The following RBFOX1 variants were observed in gnomAD, a reference collection of about 807,000 sequenced individuals.
The protein encoded by RBFOX1 is RNA binding protein fox-1 homolog 1.
Under a neutral mutation model 57.7 loss-of-function variants are expected in RBFOX1, and 8 were observed. That is an observed-to-expected ratio of 0.14 (90% CI 0.08 to 0.25). RBFOX1 has a LOEUF of 0.25. RBFOX1 is among the 10% of genes least tolerant of loss of function. The pLI, the probability that RBFOX1 is intolerant of heterozygous loss-of-function variation, is 1.00. For synonymous variants in RBFOX1, 326 were observed against 222.4 expected, an observed-to-expected ratio of 1.47 and a Z score of -4.15; for missense variants, 611 against 548.5, an observed-to-expected ratio of 1.11 and a Z score of -1.14.
chr16:7,042,543 T>C (rs12443891), intron 3 of RBFOX1, among the ~76,000 whole-genome samples: 81,358 of 152,146 alleles, frequency 0.53, 23,716 homozygotes, highest in South Asian at 0.76. Flanking sequence ...TAACTAAGCT[T>C]ATAACTAGGA....
At chr16:6,306,644 G>A (rs1464298637) in intron 1 of RBFOX1, among the ~76,000 whole-genome samples, 1 of 152,120 alleles carries the variant, frequency 6.6e-6, no homozygotes. Context: ...GAACTCACTG[G>A]CCGTTTCTAC....
At chr16:7,423,164 G>C (rs540779630) in intron 4 of RBFOX1, 7 of 151,774 alleles carry the variant, frequency 4.6e-5, no homozygotes, top group African/African-American at 1.7e-4. Flanking sequence ...TTGGAGCCCT[G>C]CTGTATTTTA....
chr16:7,633,727 G>C (rs1275837914), intron 11 of RBFOX1, among the ~76,000 whole-genome samples: 1 of 152,122 alleles, frequency 6.6e-6, no homozygotes, highest in Non-Finnish European at 1.5e-5. Flanking sequence ...TCTCCAATTG[G>C]GTAGGCAGAG....
chr16:7,653,783 G>GCTCTCTCT (rs3217052), intron 11 of RBFOX1, 32 bp from the exon 12 acceptor site: 22 of 1,511,658 alleles, frequency 1.5e-5, no homozygotes, highest in Non-Finnish European at 2.0e-5. Context: ...GACAGCCTGT[G>GCTCTCTCT]CTCTCTCTCT....
chr16:6,939,033 T>C (rs77967227), intron 3 of RBFOX1, among the ~76,000 whole-genome samples: 2,111 of 152,322 alleles, frequency 0.014, 46 homozygotes, highest in African/African-American at 0.048. Flanking sequence ...CCTTGACATG[T>C]GACGAACTCT....
chr16:5,668,170 A>G (rs919013079), intron 3 of RBFOX1, among the ~76,000 whole-genome samples: 3 of 152,154 alleles, frequency 2.0e-5, no homozygotes, highest in African/African-American at 7.2e-5. Context: ...AGTCCTAGCT[A>G]CTCAGGAGGC....
At chr16:5,937,550 A>G (rs1206013145) in intron 4 of RBFOX1, among the ~76,000 whole-genome samples, 2 of 151,676 alleles carry the variant, frequency 1.3e-5, no homozygotes, top group Non-Finnish European at 2.9e-5. Flanking sequence ...ATTTATATAT[A>G]ACTGTATGAT....
At chr16:6,773,002 A>ATGTGTGTG (rs138195500) in intron 3 of RBFOX1, among the ~76,000 whole-genome samples, 867 of 73,746 alleles carry the variant, frequency 0.012, 18 homozygotes, top group East Asian at 0.054. Context: ...TGGGGTGCAT[A>ATGTGTGTG]TGTGTGTGTG....
At chr16:6,717,609 C>T (rs932879268) in intron 3 of RBFOX1, among the ~76,000 whole-genome samples, 11 of 150,130 alleles carry the variant, frequency 7.3e-5, no homozygotes, top group East Asian at 6.0e-4. Context: ...CCCAGAAATA[C>T]GGTGATTTTT....
At chr16:7,432,183 G>T (rs1341774674) in intron 4 of RBFOX1, among the ~76,000 whole-genome samples, 1 of 152,238 alleles carries the variant, frequency 6.6e-6, no homozygotes, top group East Asian at 1.9e-4. Context: ...GCTTTTGCCT[G>T]GGGCGGAAAT....
intron 3 of RBFOX1, among the ~76,000 whole-genome samples, chr16:5,841,442 C>T (rs1192026558): frequency 6.6e-6 from 1 of 152,076 alleles, no homozygotes; most frequent in African/African-American, 2.4e-5. Flanking sequence ...AAGGGAGGGC[C>T]CAAGAGAATA....
intron 1 of RBFOX1, among the ~76,000 whole-genome samples, chr16:5,460,080 G>C (rs1455920680): frequency 6.6e-6 from 1 of 152,182 alleles, no homozygotes; most frequent in African/African-American, 2.4e-5. Context: ...AGACAGGTAA[G>C]GAGCTAGGAG....
At chr16:5,427,631 C>T (rs560580859) in intron 1 of RBFOX1, among the ~76,000 whole-genome samples, 1 of 147,600 alleles carries the variant, frequency 6.8e-6, no homozygotes, top group South Asian at 2.2e-4. Flanking sequence ...AAACAAATCA[C>T]CCTGCAAGGT....
At chr16:5,274,049 A>G (rs925719884) in intron 1 of RBFOX1, among the ~76,000 whole-genome samples, 2 of 152,214 alleles carry the variant, frequency 1.3e-5, no homozygotes, top group African/African-American at 4.8e-5. Flanking sequence ...GGAGAATGCT[A>G]ACAGACAAGA....
At chr16:6,285,379 T>C (rs1209710839) in intron 1 of RBFOX1, among the ~76,000 whole-genome samples, 1 of 152,156 alleles carries the variant, frequency 6.6e-6, no homozygotes, top group Non-Finnish European at 1.5e-5. Context: ...AAAGGAGCCA[T>C]ATACATTGTG....
intron 1 of RBFOX1, among the ~76,000 whole-genome samples, chr16:6,187,772 G>C (rs887170080): frequency 6.6e-6 from 1 of 152,112 alleles, no homozygotes; most frequent in Non-Finnish European, 1.5e-5. Context: ...CGGAGGGGCA[G>C]GCTAGGATAA....
At chr16:5,819,613 G>A (rs1375575443) in intron 3 of RBFOX1, among the ~76,000 whole-genome samples, 2 of 152,148 alleles carry the variant, frequency 1.3e-5, no homozygotes, top group East Asian at 1.9e-4. Context: ...GAAGACTTAC[G>A]TTGTACTGAC....
At chr16:7,344,984 T>C (rs1472529147) in intron 4 of RBFOX1, among the ~76,000 whole-genome samples, 3 of 151,256 alleles carry the variant, frequency 2.0e-5, no homozygotes, top group Non-Finnish European at 4.4e-5. Flanking sequence ...TTGTTCCCCA[T>C]GGAAGCCTGG....
chr16:7,263,276 G>C (rs1024180206), intron 4 of RBFOX1, among the ~76,000 whole-genome samples: 1 of 152,180 alleles, frequency 6.6e-6, no homozygotes, highest in African/African-American at 2.4e-5. Context: ...AGGAAGCACA[G>C]GGGAGTTGAA....
Sources: gnomAD v4.1 joint callset for allele counts (sites outside exome capture counted in the v4.1 genomes callset) on GRCh38, gnomAD v4.1.1 for gene constraint, MANE v1.5 for transcripts, NCBI Gene and HGNC (gene_info 2026-07-23, HGNC 2026-07-21) for gene names.